CACNA2D3: variants seen among roughly 807,000 people sequenced by gnomAD.
The protein encoded by CACNA2D3 is voltage-dependent calcium channel subunit alpha-2/delta-3.
CACNA2D3 carries 60 observed loss-of-function variants against 160.6 expected under a neutral mutation model. The ratio of observed to expected loss-of-function variants is 0.37; its 90% CI spans 0.30 to 0.46. The LOEUF (loss-of-function observed/expected upper bound fraction) is 0.46. Among genes scored for constraint, CACNA2D3 ranks in the 20% least tolerant of loss-of-function variants. CACNA2D3 has a pLI of 1.00. For synonymous variants in CACNA2D3, 558 were observed against 492.9 expected, an observed-to-expected ratio of 1.13 and a Z score of -1.75; for missense variants, 1,205 against 1,365.0, an observed-to-expected ratio of 0.88 and a Z score of 1.85.
intron 2 of CACNA2D3, among the ~76,000 whole-genome samples, chr3:54,162,788 G>T (rs1330370499): frequency 6.6e-6 from 1 of 152,166 alleles, no homozygotes; most frequent in Non-Finnish European, 1.5e-5. Flanking sequence ...GCCAGATTCT[G>T]TCCTAAGGAT....
intron 5 of CACNA2D3, among the ~76,000 whole-genome samples, chr3:54,549,532 C>T (rs1702121342): frequency 6.6e-6 from 1 of 152,188 alleles, no homozygotes; most frequent in South Asian, 2.1e-4. Flanking sequence ...TCCATAATCC[C>T]CTGATCTCCC....
Position 54,133,934 on chromosome 3 carries a change from G to T in CACNA2D3, c.204+10340G>T, listed in dbSNP as rs1699766773. Among the ~76,000 whole-genome samples the T allele has an allele frequency of 2.0e-5, 3 of 152,156 alleles. No individual in the cohort carries two copies. The South Asian group carries it at 6.2e-4, about 32-fold the overall frequency. ...CCTCAAGTTCCTTACCTGTAAAATG[G>T]GGTCATGATAGGGAGGATTAAGTAC... On this transcript the variant is annotated intron_variant, in intron 2 of 37. Transcript: ENST00000474759.
chr3:54,518,935 GT>G (rs1426124680), intron 5 of CACNA2D3, among the ~76,000 whole-genome samples: 1 of 152,214 alleles, frequency 6.6e-6, no homozygotes, highest in Non-Finnish European at 1.5e-5. Flanking sequence ...ACAAGTATAT[GT>G]CCCTTGAGAA....
At chr3:54,206,230 G>T (rs927315764) in intron 2 of CACNA2D3, among the ~76,000 whole-genome samples, 4 of 152,180 alleles carry the variant, frequency 2.6e-5, no homozygotes, top group Admixed American at 6.5e-5. Flanking sequence ...TAAAAGTAAA[G>T]AAAGAGTCCT....
chr3:54,680,178 G>C (rs887782634), intron 11 of CACNA2D3, among the ~76,000 whole-genome samples: 1 of 152,064 alleles, frequency 6.6e-6, no homozygotes, highest in Admixed American at 6.5e-5. Context: ...AAAATGGTTT[G>C]CTAGGGAAAA....
intron 27 of CACNA2D3, among the ~76,000 whole-genome samples, chr3:54,949,800 AC>A (rs74870501): frequency 0.46 from 69,600 of 151,966 alleles, 16,698 homozygotes; most frequent in East Asian, 0.75. Context: ...TGGATGGAAG[AC>A]TTTTTTTGCC....
At chr3:54,126,139 A>G (rs889385817) in intron 2 of CACNA2D3, among the ~76,000 whole-genome samples, 3 of 152,242 alleles carry the variant, frequency 2.0e-5, no homozygotes, top group Non-Finnish European at 4.4e-5. Flanking sequence ...TATTTTATGT[A>G]GTTTCACTAA....
chr3:54,810,874 C>T (rs1220684455), intron 13 of CACNA2D3, among the ~76,000 whole-genome samples: 1 of 152,168 alleles, frequency 6.6e-6, no homozygotes, highest in African/African-American at 2.4e-5. Context: ...AAACATGTCC[C>T]TCTGCTCGGT....
At chr3:54,505,674 A>G (rs1336458845) in intron 5 of CACNA2D3, among the ~76,000 whole-genome samples, 1 of 152,234 alleles carries the variant, frequency 6.6e-6, no homozygotes, top group Admixed American at 6.5e-5. Flanking sequence ...TGAAAAATTA[A>G]CATGATTTTA....
At chr3:54,292,566 A>G (rs1008774374) in intron 2 of CACNA2D3, among the ~76,000 whole-genome samples, 1 of 152,188 alleles carries the variant, frequency 6.6e-6, no homozygotes, top group Non-Finnish European at 1.5e-5. Flanking sequence ...CAATAAGTAC[A>G]TGAAAAAAAA....
At chr3:54,576,831 C>T (rs190438218) in intron 8 of CACNA2D3, among the ~76,000 whole-genome samples, 3 of 152,120 alleles carry the variant, frequency 2.0e-5, no homozygotes, top group Non-Finnish European at 2.9e-5. Flanking sequence ...CCCAGGAGTT[C>T]GAGACCAGCC....
chr3:54,672,201 T>C (rs1575416352), intron 11 of CACNA2D3, among the ~76,000 whole-genome samples: 1 of 152,220 alleles, frequency 6.6e-6, no homozygotes, highest in Non-Finnish European at 1.5e-5. Context: ...CCGTAACAGG[T>C]AATTAGCACC....
At chr3:54,871,087 CACA>C (rs1363476813) in intron 17 of CACNA2D3, among the ~76,000 whole-genome samples, 7 of 111,178 alleles carry the variant, frequency 6.3e-5, no homozygotes, top group African/African-American at 1.9e-4. Context: ...CACACACACA[CACA>C]CACCATTCAA....
Position 54,648,020 on chromosome 3 carries a change from G to A in CACNA2D3, c.1167+5779G>A, listed in dbSNP as rs1220295733. Among the ~76,000 whole-genome samples, 4 of 152,132 alleles carry A rather than the reference G, an allele frequency of 2.6e-5. No individual in the cohort carries two copies. In the East Asian group the frequency reaches 7.7e-4, roughly 29 times the overall value. ...AATAAAGCTGCATTCACTTTATGTA[G>A]CTGCTTTTCCAAGTGAACTAAAAAA... is the stretch of plus-strand genomic sequence containing the variant. On this transcript the variant is annotated intron_variant, in intron 11 of 37. Transcript: ENST00000474759.
Position 54,846,422 on chromosome 3 carries a change from C to A in CACNA2D3, c.1581C>A (p.Ile527=). Residue 527 remains isoleucine, a synonymous_variant, in exon 17 of 38, where the codon ATC becomes ATA. Coordinates refer to ENST00000474759, the MANE Select transcript of CACNA2D3 (RefSeq NM_018398.3). ...GGATTCACGGTTATGCCTTTGCAAT[C>A]ACAAATAATGGATATATCCTGACGC... ...KLGIHGYAFA[I]TNNGYILTHP... is the part of the protein sequence containing the mutation. The A allele has an allele frequency of 2.5e-6, 4 of 1,607,200 alleles. No homozygotes were observed. The highest frequency in any genetic ancestry group is 3.4e-6 in the Non-Finnish European group (4 of 1,176,480).
At chr3:54,651,881 T>C (rs779859517) in intron 11 of CACNA2D3, among the ~76,000 whole-genome samples, 2 of 152,212 alleles carry the variant, frequency 1.3e-5, no homozygotes, top group Non-Finnish European at 2.9e-5. Flanking sequence ...CTGAGCTGAT[T>C]CAGGGATTAT....
intron 4 of CACNA2D3, among the ~76,000 whole-genome samples, chr3:54,501,069 G>A (rs1454956839): frequency 1.3e-5 from 2 of 152,048 alleles, no homozygotes; most frequent in East Asian, 3.9e-4. Flanking sequence ...AGATAGAATG[G>A]AAAAAGGGAC....
At chr3:54,617,906 G>A (rs1241235952) in intron 9 of CACNA2D3, among the ~76,000 whole-genome samples, 14 of 151,348 alleles carry the variant, frequency 9.3e-5, no homozygotes, top group South Asian at 6.3e-4. Flanking sequence ...CAGTCTTCTC[G>A]TTCTAGGAGC....
intron 35 of CACNA2D3, among the ~76,000 whole-genome samples, chr3:55,022,255 A>G (rs1201382924): frequency 1.3e-5 from 2 of 152,036 alleles, no homozygotes; most frequent in Admixed American, 6.6e-5. Context: ...CCTAATGTCT[A>G]TTTGGTTTGC....
Sources: allele counts gnomAD v4.1 joint callset (sites outside exome capture counted in the v4.1 genomes callset), GRCh38; gene constraint gnomAD v4.1.1; transcripts MANE v1.5; gene names NCBI Gene and HGNC (gene_info 2026-07-23, HGNC 2026-07-21).